Variants in AGRN observed in about 807,000 individuals in gnomAD.
The protein encoded by AGRN is agrin.
In AGRN, 106 loss-of-function variants were observed where a neutral mutation model predicts 211.0. The ratio of observed to expected loss-of-function variants is 0.50; its 90% CI spans 0.43 to 0.59. The LOEUF (loss-of-function observed/expected upper bound fraction) is 0.59, where lower values mean the gene tolerates loss of function less well. AGRN is among the 20% of genes least tolerant of loss of function. The probability of loss-of-function intolerance (pLI) is 0.00; values close to 1 mark genes in which losing one functional copy is unlikely to be tolerated. For missense variants in AGRN, 3,040 were observed against 2,982.6 expected, an observed-to-expected ratio of 1.02 and a Z score of -0.45; for synonymous variants, 1,525 against 1,332.5, an observed-to-expected ratio of 1.14 and a Z score of -3.15.
chr1:1,020,762 C>A (rs1223312309), intron 1 of AGRN, among the ~76,000 whole-genome samples: 1 of 142,796 alleles, frequency 7.0e-6, no homozygotes, highest in Non-Finnish European at 1.5e-5. Context: ...TTTCCCGGGG[C>A]GAGAGGGGTT....
At position 1,049,109 on chromosome 1, in the gene AGRN, G is replaced by T. The variant is rs762581337; in HGVS notation, c.4298+50G>T. The T allele has an allele frequency of 2.4e-3, 2,330 of 973,382 alleles. 57 individuals carry two copies. In the African/African-American group the frequency reaches 0.045, roughly 19 times the overall value. The allele number at this position is 973,382 out of a possible 1,614,324, so 60.3% of individuals were successfully genotyped here. ...GGGCAGCTCAGGTGGGCGGGGAGGGGACGGGCGGGGGAGGGGGGGCCGGGG... is the reference window on the plus strand; with the variant it reads ...GGGCAGCTCAGGTGGGCGGGGAGGGTACGGGCGGGGGAGGGGGGGCCGGGG... On this transcript the variant is annotated intron_variant, in intron 24 of 35. Transcript: ENST00000379370.
In AGRN at chr1:1,044,499, C is replaced by G. The variant is rs1375417464; in HGVS notation, c.2254+60C>G. 8 of 1,521,572 alleles carry G rather than the reference C, an allele frequency of 5.3e-6. No individual in the cohort carries two copies. The East Asian group carries it at 1.5e-4, about 28-fold the overall frequency. 94.3% of individuals were successfully genotyped at this position (1,521,572 alleles called of 1,614,324 possible). A position where few individuals can be genotyped will look rare whatever the true frequency, so the allele number is the denominator to read the frequency against. ...CGGGGCGGCGTCTGGGTTTCCGTGT[C>G]TGGATGTGGGCGTGCCCGTGTGCTG... On this transcript the variant is annotated intron_variant, in intron 12 of 35. Coordinates refer to ENST00000379370, the MANE Select transcript of AGRN (RefSeq NM_198576.4).
At chr1:1,044,706 A>C (rs1307973896) in intron 12 of AGRN, among the ~76,000 whole-genome samples, 1 of 152,144 alleles carries the variant, frequency 6.6e-6, no homozygotes, top group Non-Finnish European at 1.5e-5. Flanking sequence ...CCGTGTGGGC[A>C]CTTTCTCTGC....
intron 2 of AGRN, among the ~76,000 whole-genome samples, chr1:1,023,079 G>A (rs945756263): frequency 2.6e-5 from 4 of 152,200 alleles, no homozygotes; most frequent in African/African-American, 2.4e-5. Flanking sequence ...GTTGGCTGGG[G>A]AATGTGGCAG....
rs1447389396 is a variant in AGRN, at chr1:1,045,261, C to T, written c.2355C>T (p.Gly785=). 6 of 1,611,482 alleles carry T rather than the reference C, an allele frequency of 3.7e-6. No individual in the cohort carries two copies. In the Admixed American group the frequency reaches 5.0e-5, roughly 13 times the overall value. Residue 785 remains glycine (G), a synonymous_variant, in exon 13 of 36, where the codon GGC becomes GGT. Coordinates refer to ENST00000379370, the MANE Select transcript of AGRN (RefSeq NM_198576.4). ...QDNITAARGV[G]LAGCPSACQC... is the part of the protein sequence containing the mutation. ...ATATCACCGCAGCCCGGGGCGTGGG[C>T]CTGGCTGGCTGCCCCAGTGAGTACC... is the stretch of plus-strand genomic sequence containing the variant.
chr1:1,051,873 C>CA, intron 33 of AGRN, 58 bp downstream of exon 33: 5 of 1,600,748 alleles, frequency 3.1e-6, no homozygotes, highest in Non-Finnish European at 4.3e-6. Context: ...GGCGGGACAC[C>CA]GGACCCCCAC....
chr1:1,040,353 C>T (rs933228118), intron 3 of AGRN, among the ~76,000 whole-genome samples: 8 of 152,192 alleles, frequency 5.3e-5, no homozygotes, highest in African/African-American at 1.9e-4. Flanking sequence ...AGTGGGTGCT[C>T]GCCCGTCGCA....
At position 1,022,434 on chromosome 1, in the gene AGRN, C is replaced by G; in HGVS notation, c.435C>G (p.Asn145Lys). ...GCCTCATGCGGATCACCCTGCGGAA[C>G]CTGGAGGAGGTGGAGTTCTGTGTGG... ...NSSLMRITLRNLEEVEFCVED... is the reference protein window; with the variant it reads ...NSSLMRITLRKLEEVEFCVED... The change falls in exon 2 of 36, where the codon AAC becomes AAG. Residue 145 changes from asparagine (N) to lysine (K), a missense_variant. Asn to Lys is a moderately conservative substitution (Grantham distance 94, BLOSUM62 0). This residue lies in a region of AGRN where 1,498 missense variants were observed against 1,457.8 expected (regional missense o/e 1.03). Coordinates refer to ENST00000379370, the MANE Select transcript of AGRN (RefSeq NM_198576.4). The G allele has an allele frequency of 6.2e-7, 1 of 1,612,050 alleles. No individual in the cohort carries two copies. The highest frequency in any genetic ancestry group is 8.5e-7 in the Non-Finnish European group (1 of 1,178,916).
In AGRN at chr1:1,049,371, C is replaced by T. The variant is rs372592323; in HGVS notation, c.4434C>T (p.Gly1478=). The T allele has an allele frequency of 7.5e-6, 12 of 1,598,702 alleles. No individual in the cohort carries two copies. Among genetic ancestry groups the T allele is most frequent in the South Asian group, 5.5e-5 (5 of 91,026 alleles). The stretch of plus-strand genomic sequence containing the variant: ...TGGATGGTGAGACCCCTGTTCTGGG[C>T]GAGAGTCCCAGTGGCACCGACGGCC... ...LSVDGETPVL[G]ESPSGTDGLN... Residue 1478 remains glycine (G), a synonymous_variant, in exon 25 of 36, where the codon GGC becomes GGT. Coordinates refer to ENST00000379370, the MANE Select transcript of AGRN (RefSeq NM_198576.4).
In AGRN at chr1:1,028,605, C is replaced by T. The variant is rs4413989; in HGVS notation, c.463+6143C>T. ...GCCCCAGCCCCTCGTGGGCCAAGGG[C>T]GCCCACAGCCACGCCACCCTCTCCC... On this transcript the variant is annotated intron_variant, in intron 2 of 35. Transcript: ENST00000379370. Among the ~76,000 whole-genome samples the T allele has an allele frequency of 3.2e-3, 343 of 108,638 alleles. 2 individuals carry two copies. The highest frequency in any genetic ancestry group is 0.014 in the African/African-American group (312 of 22,762). The allele number at this position is 108,638 out of a possible 152,430, so 71.3% of individuals were successfully genotyped here. A position where few individuals can be genotyped will look rare whatever the true frequency, so the allele number is the denominator to read the frequency against.
intron 2 of AGRN, 141 bp from the exon 3 acceptor site, chr1:1,035,135 AC>A (rs1354669150): frequency 9.7e-6 from 9 of 931,734 alleles, no homozygotes; most frequent in Non-Finnish European, 1.5e-5. Context: ...TCAGGGCTGG[AC>A]CCTTCAGCAG....
At position 1,054,566 on chromosome 1, in the gene AGRN, G is replaced by T; in HGVS notation, c.5980+15G>T. ...CCTGTGGCTTGGTGAGTGTTTTGGG[G>T]AGACTAGAGAGGGATGCCCAAGGGT... On this transcript the variant is annotated intron_variant, in intron 35 of 35. Coordinates refer to ENST00000379370, the MANE Select transcript of AGRN (RefSeq NM_198576.4). 1 of 1,574,206 alleles carries T rather than the reference G, an allele frequency of 6.4e-7. No homozygotes were observed. Among genetic ancestry groups the T allele is most frequent in the South Asian group, 1.2e-5 (1 of 85,916 alleles).
intron 33 of AGRN, chr1:1,052,641 G>A (rs987803624): frequency 5.7e-5 from 10 of 176,904 alleles, no homozygotes; most frequent in Non-Finnish European, 1.1e-4. Context: ...AGACATGCAT[G>A]TGTGTGTCCG....
Position 1,046,548 on chromosome 1 carries a change from A to C in AGRN, c.3063A>C (p.Ser1021=), listed in dbSNP as rs778847323. Reference sequence around the variant, plus strand: ...ACAGCCAGACCACCCCTCCGCCCTCATCACGACCTCGGACCACTGCCAGCG... The same window carrying C: ...ACAGCCAGACCACCCCTCCGCCCTCCTCACGACCTCGGACCACTGCCAGCG... The part of the protein sequence containing the change: ...TAHSQTTPPP[S]SRPRTTASVP... Residue 1021 remains serine, a synonymous_variant, in exon 18 of 36, where the codon TCA becomes TCC. Coordinates refer to ENST00000379370, the MANE Select transcript of AGRN (RefSeq NM_198576.4). 8.1e-6 allele frequency: 13 copies of C among 1,609,312 alleles called. No individual in the cohort carries two copies. Among genetic ancestry groups the C allele is most frequent in the African/African-American group, 1.3e-5 (1 of 74,386 alleles).
chr1:1,035,582 A>G (rs550541953), intron 3 of AGRN, among the ~76,000 whole-genome samples: 4 of 152,332 alleles, frequency 2.6e-5, no homozygotes, highest in Admixed American at 2.6e-4. Context: ...CAAAACTGGG[A>G]ACAAGTCCTG....
Position 1,051,587 on chromosome 1 carries a change from G to C in AGRN, c.5505G>C (p.Arg1835Ser), listed in dbSNP as rs760016457. 2.5e-6 allele frequency: 4 copies of C among 1,602,638 alleles called. No homozygotes were observed. In the Admixed American group the frequency reaches 6.7e-5, roughly 27 times the overall value. ...PCLNGASCVPREAAYVCLCPG... is the reference protein window; with the variant it reads ...PCLNGASCVPSEAAYVCLCPG... ...TCAATGGGGCCTCCTGCGTCCCGAG[G>C]GAGGCTGCCTATGTGTGCCTGTGTC... Residue 1835 changes from arginine (R) to serine (S), a missense_variant, in exon 32 of 36, where the codon AGG (arginine) becomes AGC (serine). Around this residue, in one of 3 missense-constraint regions of AGRN, gnomAD observed 1,537 missense variants for 1,505.0 expected, o/e 1.02. Transcript: ENST00000379370.
At chr1:1,054,660 G>T in intron 35 of AGRN, 109 bp downstream of exon 35, 1 of 1,484,354 alleles carries the variant, frequency 6.7e-7, no homozygotes, top group Admixed American at 2.0e-5. Context: ...ATGTGAGCCG[G>T]CGGGCTGGGC....
intron 1 of AGRN, among the ~76,000 whole-genome samples, chr1:1,021,673 C>A (rs573781213): frequency 3.3e-5 from 5 of 152,334 alleles, no homozygotes; most frequent in African/African-American, 1.2e-4. Context: ...GGGTGGGGCA[C>A]CCTGCACTGC....
chr1:1,020,476 G>A, intron 1 of AGRN, 103 bp downstream of exon 1: 2 of 1,167,756 alleles, frequency 1.7e-6, no homozygotes, highest in South Asian at 1.8e-5. Flanking sequence ...CGCAGCCCCC[G>A]CTCCGGCTCC....
Sources: allele counts gnomAD v4.1 joint callset (sites outside exome capture counted in the v4.1 genomes callset), GRCh38; gene constraint gnomAD v4.1.1; regional missense constraint gnomAD v4.1.1; transcripts MANE v1.5; gene names NCBI Gene and HGNC (gene_info 2026-07-23, HGNC 2026-07-21).